Variants in AGBL5 observed in about 807,000 individuals in gnomAD.
AGBL5 encodes the protein AGBL carboxypeptidase 5.
A neutral mutation model predicts 88.0 loss-of-function variants in AGBL5; 51 were observed. That is an observed-to-expected ratio of 0.58 (90% confidence interval 0.46 to 0.73). The LOEUF (loss-of-function observed/expected upper bound fraction) is 0.73, where lower values mean the gene tolerates loss of function less well. Among genes scored for constraint, AGBL5 ranks in the 30% least tolerant of loss-of-function variants. AGBL5 has a pLI of 0.00. For missense variants in AGBL5, 1,031 were observed against 1,162.2 expected (o/e 0.89, Z 1.64); for synonymous variants, 446 against 438.8 (o/e 1.02, Z -0.21).
At position 27,055,784 on chromosome 2, in the gene AGBL5, T is replaced by C. The variant is rs990277706; in HGVS notation, c.1011T>C (p.His337=). Residue 337 remains histidine, a synonymous_variant, in exon 7 of 15, where the codon CAT becomes CAC. Coordinates refer to ENST00000360131, the MANE Select transcript of AGBL5 (RefSeq NM_021831.6). ...YGAKAVLLYH[H]VHSRLNSQSS... ...CCAAAGCTGTGCTTCTCTACCACCA[T>C]GTGCACTCTCGTCTGAACTCCCAGA... 5 of 1,614,078 alleles carry C rather than the reference T, an allele frequency of 3.1e-6. No homozygotes were observed. In the African/African-American group the frequency reaches 4.0e-5, roughly 13 times the overall value.
At chr2:27,064,915 G>A (rs1668913342) in intron 11 of AGBL5, among the ~76,000 whole-genome samples, 1 of 151,696 alleles carries the variant, frequency 6.6e-6, no homozygotes, top group South Asian at 2.1e-4. Context: ...CACCACGCCT[G>A]GCTAATTTTT....
At chr2:27,063,472 G>A (rs891712852) in intron 11 of AGBL5, among the ~76,000 whole-genome samples, 21 of 152,092 alleles carry the variant, frequency 1.4e-4, no homozygotes, top group African/African-American at 4.8e-4. Context: ...GTGGGTGCCT[G>A]TAGTCCCAGC....
rs755706925 is a variant in AGBL5, at chr2:27,067,565, TC to T, written c.2165del (p.Pro722GlnfsTer44). 1.2e-6 allele frequency: 2 copies of T among 1,614,094 alleles called. No homozygotes were observed. Among genetic ancestry groups the T allele is most frequent in the Non-Finnish European group, 1.7e-6 (2 of 1,180,014 alleles). On this transcript the variant is annotated frameshift_variant, in exon 12 of 15. Transcript: ENST00000360131. LOFTEE classifies it high-confidence loss of function. ...NHRPAGSLAP[S>X]PAPTSSGPAS... ...TCGTCCTGCAGGCAGCCTCGCTCCATCCCCAGCTCCTACTAGTTCTGGCCCA... is the reference window on the plus strand; with the variant it reads ...TCGTCCTGCAGGCAGCCTCGCTCCATCCCAGCTCCTACTAGTTCTGGCCCA...
chr2:27,053,379 C>T lies in AGBL5; in HGVS notation c.216-23C>T. ...CTCCAACCCTTCCACACGTAATGAC[C>T]TCTCTCTTACTCTGGTCCTCAGGTC... On this transcript the variant is annotated intron_variant, in intron 2 of 14. Transcript: ENST00000360131. The surrounding 1 kb of genome is among the most constrained non-coding windows in gnomAD (Gnocchi z 4.9). 6.2e-7 allele frequency: 1 copy of T among 1,611,086 alleles called. No homozygotes were observed. Among genetic ancestry groups the T allele is most frequent in the Admixed American group, 1.7e-5 (1 of 59,748 alleles).
At chr2:27,059,899 A>T (rs1668628509) in intron 11 of AGBL5, among the ~76,000 whole-genome samples, 1 of 152,200 alleles carries the variant, frequency 6.6e-6, no homozygotes, top group South Asian at 2.1e-4. Context: ...TTATAATCCC[A>T]GCACTATGGG....
Position 27,053,874 on chromosome 2 carries a change from C to T in AGBL5, c.388-22C>T. ...TCTGACAATGGCATGTTGCCCCTCC[C>T]TCTTCCTCCTCTGCTCTTCAGATGA... is the stretch of plus-strand genomic sequence containing the variant. On this transcript the variant is annotated intron_variant, in intron 3 of 14. Transcript: ENST00000360131. This position sits in a 1 kb window ranked among gnomAD's most constrained non-coding sequence, Gnocchi z 4.9. 6 of 1,601,174 alleles carry T rather than the reference C, an allele frequency of 3.7e-6. No homozygotes were observed. The highest frequency in any genetic ancestry group is 2.2e-5 in the East Asian group (1 of 44,622).
intron 9 of AGBL5, 78 bp from the exon 10 acceptor site, chr2:27,058,322 C>G (rs1244349974): frequency 1.3e-6 from 2 of 1,530,652 alleles, no homozygotes; most frequent in African/African-American, 1.4e-5. Flanking sequence ...TTCCCTTCCA[C>G]TGTGCTGTGT....
chr2:27,059,528 T>C, intron 11 of AGBL5, 124 bp downstream of exon 11: 1 of 1,536,438 alleles, frequency 6.5e-7, no homozygotes, highest in Non-Finnish European at 8.7e-7. Flanking sequence ...AATTAGTTTG[T>C]AGCAGAACCT....
intron 5 of AGBL5, 109 bp downstream of exon 5, chr2:27,054,916 C>A: frequency 6.7e-7 from 1 of 1,499,870 alleles, no homozygotes; most frequent in Non-Finnish European, 9.0e-7. Context: ...GGCCTCCGCC[C>A]GCAGCGTGCG....
At chr2:27,050,920 G>A (rs1190276932), upstream of AGBL5, 3 of 152,234 alleles carry the variant, frequency 2.0e-5, no homozygotes, top group African/African-American at 7.2e-5. Context: ...CCCATAAGGG[G>A]AAAGGCTTGG....
intron 12 of AGBL5, 178 bp downstream of exon 12, chr2:27,067,824 C>T: frequency 1.4e-6 from 1 of 727,042 alleles, no homozygotes; most frequent in South Asian, 1.5e-5. Context: ...TGTAATAAAA[C>T]AATAGTTAAC....
At chr2:27,054,542 G>C in intron 4 of AGBL5, 88 bp from the exon 5 acceptor site, 4 of 1,351,402 alleles carry the variant, frequency 3.0e-6, no homozygotes, top group Non-Finnish European at 4.1e-6. Flanking sequence ...TGAAGGACCA[G>C]ATTTTACAGA....
rs374395012 is a variant in AGBL5, at chr2:27,054,618, T to C, written c.552-12T>C. ...AGGGACTTCTCCTGGCTTAATTTTT[T>C]TTTCCCTGTAGCCCCCTGGATACCA... On this transcript the variant is annotated splice_polypyrimidine_tract_variant and intron_variant, in intron 4 of 14. Transcript: ENST00000360131. 44 of 1,607,618 alleles carry C rather than the reference T, an allele frequency of 2.7e-5. No individual in the cohort carries two copies. The highest frequency in any genetic ancestry group is 3.6e-5 in the Non-Finnish European group (42 of 1,176,914).
rs1383224561 is a variant in AGBL5, at chr2:27,053,103, TC to T, written c.149del (p.Pro50LeufsTer44). 1 of 1,612,960 alleles carries T rather than the reference TC, an allele frequency of 6.2e-7. No individual in the cohort carries two copies. The highest frequency in any genetic ancestry group is 1.3e-5 in the African/African-American group (1 of 75,020). On this transcript the variant is annotated frameshift_variant, in exon 2 of 15. Coordinates refer to ENST00000360131, the MANE Select transcript of AGBL5 (RefSeq NM_021831.6). LOFTEE classifies it high-confidence loss of function. The surrounding 1 kb of genome is among the most constrained non-coding windows in gnomAD (Gnocchi z 4.9). ...ASALTSGIASSPDYEFNVWTR... is the reference protein window; with the variant it reads ...ASALTSGIASXPDYEFNVWTR... ...AGCCCTGACCAGTGGCATTGCCTCT[TC>T]CCCTGACTATGAATTCAACGTGTGG...
chr2:27,057,523 C>A, intron 9 of AGBL5, 85 bp downstream of exon 9: 1 of 1,440,640 alleles, frequency 6.9e-7, no homozygotes, highest in Non-Finnish European at 9.3e-7. Flanking sequence ...CTCTAAGGTC[C>A]TTTGAAGAGA....
chr2:27,066,064 C>T (rs1196317423), intron 11 of AGBL5, among the ~76,000 whole-genome samples: 1 of 151,952 alleles, frequency 6.6e-6, no homozygotes, highest in Admixed American at 6.6e-5. Context: ...TTCCAGACCA[C>T]CCTGGGCAAC....
At chr2:27,063,315 G>A (rs968958842) in intron 11 of AGBL5, among the ~76,000 whole-genome samples, 30 of 152,160 alleles carry the variant, frequency 2.0e-4, no homozygotes, top group South Asian at 6.2e-4. Context: ...TGTCTCGGCC[G>A]GGCGTGGTGG....
chr2:27,056,632 ATGCTATATCCAAAGCTCATCTCCT>A lies in AGBL5; in HGVS notation c.1378_1401del (p.Leu460_Leu467del). Reference sequence around the variant, plus strand: ...TTTCTTCCCCAAACAGGTGGAAAACATGCTATATCCAAAGCTCATCTCCTTGAATTCAGCCCACTTCGACTTCCA... The same window carrying A: ...TTTCTTCCCCAAACAGGTGGAAAACATGAATTCAGCCCACTTCGACTTCCA... On this transcript the variant is annotated inframe_deletion, in exon 8 of 15. Transcript: ENST00000360131. 4 of 1,600,002 alleles carry A rather than the reference ATGCTATATCCAAAGCTCATCTCCT, an allele frequency of 2.5e-6. No homozygotes were observed. The highest frequency in any genetic ancestry group is 3.4e-6 in the Non-Finnish European group (4 of 1,170,154).
intron 13 of AGBL5, 142 bp from the exon 14 acceptor site, chr2:27,069,431 C>G: frequency 6.6e-7 from 1 of 1,513,820 alleles, no homozygotes; most frequent in Non-Finnish European, 8.8e-7. Context: ...TTGCCTCACC[C>G]TCTCAGCTAG....
Sources: gnomAD v4.1 joint callset for allele counts (sites outside exome capture counted in the v4.1 genomes callset) on GRCh38, gnomAD v4.1.1 for gene constraint, Gnocchi (gnomAD v3.1) non-coding constraint, MANE v1.5 for transcripts, NCBI Gene and HGNC (gene_info 2026-07-23, HGNC 2026-07-21) for gene names.